HDAC9: variants seen among roughly 807,000 people sequenced by gnomAD.
HDAC9 encodes MEF-2 interacting transcription repressor (MITR) protein.
Under a neutral mutation model 139.4 loss-of-function variants are expected in HDAC9, and 41 were observed. The observed-to-expected ratio is 0.29, with a 90% CI of 0.23 to 0.38. HDAC9 has a LOEUF of 0.38. Ranked by LOEUF, HDAC9 falls within the 10% of genes least tolerant of loss-of-function variation. The pLI, the probability that HDAC9 is intolerant of heterozygous loss-of-function variation, is 1.00. For missense variants in HDAC9, 1,147 were observed against 1,297.0 expected (o/e 0.88, Z 1.78); for synonymous variants, 517 against 476.2 (o/e 1.09, Z -1.12).
chr7:18,381,674 A>G (rs191753065), intron 1 of HDAC9, among the ~76,000 whole-genome samples: 20 of 152,268 alleles, frequency 1.3e-4, no homozygotes, highest in Middle Eastern at 6.8e-3. Flanking sequence ...ATGCTGCTGA[A>G]ATAATATGAA....
In HDAC9 at chr7:18,733,612, CATT is replaced by C. The variant is rs535258053; in HGVS notation, c.1909+5857_1909+5859del. Reference sequence around the variant, plus strand: ...CATGTATCACATATCATAACATAAACATTAATGTAGAAAATATATTTATAAATA... The same window carrying C: ...CATGTATCACATATCATAACATAAACAATGTAGAAAATATATTTATAAATA... On this transcript the variant is annotated intron_variant, in intron 13 of 25. Transcript: ENST00000686413. 1.6e-3 allele frequency among the ~76,000 whole-genome samples: 249 copies of C among 151,374 alleles called. 1 individual carries two copies. Among genetic ancestry groups the C allele is most frequent in the Admixed American group, 5.7e-3 (86 of 15,182 alleles).
At chr7:18,142,387 G>A (rs1333733080) in intron 1 of HDAC9, among the ~76,000 whole-genome samples, 1 of 152,088 alleles carries the variant, frequency 6.6e-6, no homozygotes, top group East Asian at 1.9e-4. Flanking sequence ...CCCCCCAGTG[G>A]CAATTTTCAT....
chr7:18,788,086 G>A (rs1362333747), intron 16 of HDAC9, among the ~76,000 whole-genome samples: 2 of 152,140 alleles, frequency 1.3e-5, no homozygotes, highest in Non-Finnish European at 2.9e-5. Flanking sequence ...CAACCTCTCT[G>A]CACCACCTGA....
chr7:18,568,711 T>C (rs1282385901), intron 2 of HDAC9, among the ~76,000 whole-genome samples: 1 of 152,068 alleles, frequency 6.6e-6, no homozygotes, highest in Non-Finnish European at 1.5e-5. Context: ...AGCAGAGAGG[T>C]AGCTTGGAAA....
intron 2 of HDAC9, among the ~76,000 whole-genome samples, chr7:18,193,372 G>T (rs538555858): frequency 1.3e-5 from 2 of 152,080 alleles, no homozygotes; most frequent in Non-Finnish European, 2.9e-5. Flanking sequence ...CTTAGTATCA[G>T]GTATTTTAAA....
chr7:18,229,958 CA>C (rs991305347), intron 2 of HDAC9, among the ~76,000 whole-genome samples: 2 of 152,094 alleles, frequency 1.3e-5, no homozygotes, highest in African/African-American at 4.8e-5. Flanking sequence ...TTCTAATGAA[CA>C]GTGTCTTGAA....
chr7:18,974,591 G>C (rs1784442321), intron 24 of HDAC9, among the ~76,000 whole-genome samples: 2 of 152,190 alleles, frequency 1.3e-5, no homozygotes, highest in South Asian at 4.1e-4. Context: ...ACTTTGGTCA[G>C]AATAAGGGAT....
rs550634885 is a variant in HDAC9 at position 18,841,899 on chromosome 7, C to T, written c.2684+5902C>T. On this transcript the variant is annotated intron_variant, in intron 21 of 25. Coordinates refer to ENST00000686413, the MANE Select transcript of HDAC9 (RefSeq NM_178425.4). ...CTTTTAATAACCGATCTAATTACAA[C>T]GGGGATATAAATGTTTTCATCTTTG... Among the ~76,000 whole-genome samples, 20 of 151,986 alleles carry T rather than the reference C, an allele frequency of 1.3e-4. No individual in the cohort carries two copies. In the East Asian group the frequency reaches 1.4e-3, roughly 10 times the overall value.
At chr7:18,677,762 A>C (rs1781612957) in intron 12 of HDAC9, among the ~76,000 whole-genome samples, 1 of 151,928 alleles carries the variant, frequency 6.6e-6, no homozygotes, top group Non-Finnish European at 1.5e-5. Flanking sequence ...ATCTATTTCT[A>C]CATATGTATG....
At chr7:18,106,626 A>T (rs771161424) in intron 1 of HDAC9, among the ~76,000 whole-genome samples, 1 of 151,854 alleles carries the variant, frequency 6.6e-6, no homozygotes, top group African/African-American at 2.4e-5. Context: ...CTAATTTTTT[A>T]TATTTTTGGT....
chr7:18,658,005 ATT>A (rs1211906817), intron 11 of HDAC9, among the ~76,000 whole-genome samples: 1 of 151,814 alleles, frequency 6.6e-6, no homozygotes, highest in Non-Finnish European at 1.5e-5. Flanking sequence ...GCCAGCCACT[ATT>A]TTGTGTGGAA....
intron 11 of HDAC9, among the ~76,000 whole-genome samples, chr7:18,664,368 A>C (rs1486436789): frequency 6.6e-6 from 1 of 152,018 alleles, no homozygotes; most frequent in Non-Finnish European, 1.5e-5. Flanking sequence ...TCTTAGCTTG[A>C]TCTTGTCTGA....
At chr7:18,787,845 C>T (rs1364432360) in intron 16 of HDAC9, among the ~76,000 whole-genome samples, 1 of 152,168 alleles carries the variant, frequency 6.6e-6, no homozygotes, top group African/African-American at 2.4e-5. Context: ...TATAGTGATC[C>T]TCTCCATAAT....
chr7:18,460,829 C>T (rs1013333720), intron 1 of HDAC9, among the ~76,000 whole-genome samples: 4 of 148,056 alleles, frequency 2.7e-5, no homozygotes, highest in Non-Finnish European at 4.5e-5. Context: ...TTATCCTGAA[C>T]CCAAATAGAA....
intron 2 of HDAC9, among the ~76,000 whole-genome samples, chr7:18,183,363 A>T (rs1013294873): frequency 6.6e-6 from 1 of 152,180 alleles, no homozygotes; most frequent in Non-Finnish European, 1.5e-5. Context: ...AAATGAACCA[A>T]TCCCTCAATC....
intron 2 of HDAC9, among the ~76,000 whole-genome samples, chr7:18,265,325 G>A (rs1795925970): frequency 6.6e-6 from 1 of 152,108 alleles, no homozygotes; most frequent in Non-Finnish European, 1.5e-5. Flanking sequence ...AAATATTGCT[G>A]GAAGCACTAT....
chr7:18,268,629 T>C (rs1796151309), intron 2 of HDAC9, among the ~76,000 whole-genome samples: 1 of 152,178 alleles, frequency 6.6e-6, no homozygotes. Flanking sequence ...AATTCACTTG[T>C]AGTGAATAGG....
At chr7:18,988,369 G>A (rs190664820) in intron 25 of HDAC9, among the ~76,000 whole-genome samples, 5,735 of 151,808 alleles carry the variant, frequency 0.038, 316 homozygotes, top group African/African-American at 0.13. Flanking sequence ...GTAGTTGAGC[G>A]GTTTTGAGTG....
chr7:18,252,463 G>A (rs1794976524), intron 2 of HDAC9, among the ~76,000 whole-genome samples: 1 of 152,108 alleles, frequency 6.6e-6, no homozygotes, highest in South Asian at 2.1e-4. Flanking sequence ...TATCCTATAT[G>A]TAGGATATAT....
Sources: gnomAD v4.1 joint callset for allele counts (sites outside exome capture counted in the v4.1 genomes callset) on GRCh38, gnomAD v4.1.1 for gene constraint, MANE v1.5 for transcripts, NCBI Gene and HGNC (gene_info 2026-07-23, HGNC 2026-07-21) for gene names.